MTUS2: variants seen among roughly 807,000 people sequenced by gnomAD.
The protein encoded by MTUS2 is microtubule-associated tumor suppressor candidate 2.
In MTUS2, 40 loss-of-function variants were observed where a neutral mutation model predicts 114.1. That is an observed-to-expected ratio of 0.35 (90% CI 0.27 to 0.46). The LOEUF (loss-of-function observed/expected upper bound fraction) is 0.46. Among genes scored for constraint, MTUS2 ranks in the 20% least tolerant of loss-of-function variants. MTUS2 has a pLI of 1.00. For synonymous variants in MTUS2, 688 were observed against 672.0 expected, an observed-to-expected ratio of 1.02 and a Z score of -0.37; for missense variants, 1,679 against 1,705.4, an observed-to-expected ratio of 0.98 and a Z score of 0.27.
intron 5 of MTUS2, among the ~76,000 whole-genome samples, chr13:29,245,022 G>A (rs1896869230): frequency 6.7e-6 from 1 of 150,204 alleles, no homozygotes; most frequent in South Asian, 2.1e-4. Flanking sequence ...GACATATTAG[G>A]CTAGGGTATT....
At chr13:28,837,271 TTGTGGTTATTATGCAGCCACC>T (rs1875155149) in intron 1 of MTUS2, among the ~76,000 whole-genome samples, 1 of 152,224 alleles carries the variant, frequency 6.6e-6, no homozygotes, top group Admixed American at 6.5e-5. Flanking sequence ...CAAATTCTCT[TTGTGGTTATTATGCAGCCACC>T]TGTTTCGGGT....
chr13:28,957,937 CAT>C (rs1416126482), intron 2 of MTUS2, among the ~76,000 whole-genome samples: 7 of 152,284 alleles, frequency 4.6e-5, no homozygotes, highest in South Asian at 2.1e-4. Context: ...GGATAGGAGA[CAT>C]GTGACAAAAC....
At chr13:29,165,564 C>T (rs1295069343) in intron 5 of MTUS2, among the ~76,000 whole-genome samples, 1 of 152,184 alleles carries the variant, frequency 6.6e-6, no homozygotes, top group Non-Finnish European at 1.5e-5. Context: ...TGTGTGGGGC[C>T]AGTCCTTCTT....
intron 5 of MTUS2, among the ~76,000 whole-genome samples, chr13:29,179,105 T>C (rs533075713): frequency 6.6e-6 from 1 of 152,336 alleles, no homozygotes; most frequent in East Asian, 1.9e-4. Flanking sequence ...GTGTCCATTG[T>C]TTTAATGTAA....
chr13:29,211,205 A>T (rs57545648), intron 5 of MTUS2, among the ~76,000 whole-genome samples: 1 of 148,460 alleles, frequency 6.7e-6, no homozygotes, highest in Non-Finnish European at 1.5e-5. Flanking sequence ...GATTCCAGGG[A>T]GATTATGCCT....
At chr13:28,987,701 C>T (rs574009878) in intron 2 of MTUS2, among the ~76,000 whole-genome samples, 2 of 152,254 alleles carry the variant, frequency 1.3e-5, no homozygotes, top group East Asian at 3.9e-4. Context: ...TGCCAGAGTC[C>T]ACACATCTGG....
chr13:29,492,817 T>A, intron 12 of MTUS2, 98 bp downstream of exon 12: 1 of 912,426 alleles, frequency 1.1e-6, no homozygotes, highest in East Asian at 2.5e-5. Flanking sequence ...GTGTACTAAA[T>A]CCTGTACTAA....
At chr13:29,298,997 G>T (rs1271027816) in intron 6 of MTUS2, among the ~76,000 whole-genome samples, 2 of 152,200 alleles carry the variant, frequency 1.3e-5, no homozygotes, top group African/African-American at 4.8e-5. Context: ...ATTTGTCATT[G>T]TGAAGCCAAC....
At chr13:29,386,598 G>A (rs1199674849) in intron 8 of MTUS2, among the ~76,000 whole-genome samples, 3 of 152,170 alleles carry the variant, frequency 2.0e-5, no homozygotes, top group African/African-American at 7.2e-5. Flanking sequence ...AGGCTCAGAG[G>A]AGTCTAACCA....
chr13:28,911,408 T>TA (rs1302608467), intron 2 of MTUS2, among the ~76,000 whole-genome samples: 1 of 149,668 alleles, frequency 6.7e-6, no homozygotes, highest in Non-Finnish European at 1.5e-5. Context: ...TCTCCTGACC[T>TA]CGTGATCCAC....
intron 5 of MTUS2, among the ~76,000 whole-genome samples, chr13:29,220,173 T>C (rs1029996973): frequency 1.3e-5 from 2 of 152,114 alleles, no homozygotes; most frequent in Non-Finnish European, 2.9e-5. Context: ...CTTTTTTGTT[T>C]TTTTTTAAGT....
intron 5 of MTUS2, among the ~76,000 whole-genome samples, chr13:29,157,851 G>A (rs1892928346): frequency 6.6e-6 from 1 of 151,740 alleles, no homozygotes; most frequent in Admixed American, 6.6e-5. Flanking sequence ...GATATAGATC[G>A]ATCATGATTC....
intron 5 of MTUS2, among the ~76,000 whole-genome samples, chr13:29,142,209 C>T (rs1057074682): frequency 1.5e-4 from 22 of 151,690 alleles, no homozygotes; most frequent in African/African-American, 3.6e-4. Context: ...TTACATACAC[C>T]GATAAATTGG....
At chr13:28,863,658 T>G (rs753055480) in intron 2 of MTUS2, among the ~76,000 whole-genome samples, 1 of 152,240 alleles carries the variant, frequency 6.6e-6, no homozygotes, top group Non-Finnish European at 1.5e-5. Flanking sequence ...TGAAAATAGA[T>G]GTTTTTAAAA....
chr13:28,941,085 A>G (rs763318014), intron 2 of MTUS2, among the ~76,000 whole-genome samples: 2 of 150,316 alleles, frequency 1.3e-5, no homozygotes, highest in East Asian at 2.0e-4. Flanking sequence ...AAAAAATTCA[A>G]AATCATAGTT....
intron 5 of MTUS2, among the ~76,000 whole-genome samples, chr13:29,160,974 C>T (rs997546474): frequency 5.9e-5 from 9 of 152,150 alleles, no homozygotes; most frequent in East Asian, 5.8e-4. Flanking sequence ...ATTATAGAAA[C>T]GGAGAATAGT....
chr13:28,847,169 C>T (rs2138013226), intron 2 of MTUS2, among the ~76,000 whole-genome samples: 1 of 152,224 alleles, frequency 6.6e-6, no homozygotes, highest in Middle Eastern at 3.4e-3. Context: ...AGAAAATCAC[C>T]TAAGGTAATT....
At chr13:29,404,043 A>G (rs1432275304) in intron 8 of MTUS2, among the ~76,000 whole-genome samples, 1 of 151,870 alleles carries the variant, frequency 6.6e-6, no homozygotes, top group African/African-American at 2.4e-5. Flanking sequence ...TACTACATCC[A>G]TCTACTACAG....
chr13:28,828,949 C>T (rs1192639695), intron 1 of MTUS2, among the ~76,000 whole-genome samples: 1 of 151,896 alleles, frequency 6.6e-6, no homozygotes, highest in African/African-American at 2.4e-5. Context: ...TTTTGATTTC[C>T]TAAAAATATT....
Sources: gnomAD v4.1 joint callset for allele counts (sites outside exome capture counted in the v4.1 genomes callset) on GRCh38, gnomAD v4.1.1 for gene constraint, MANE v1.5 for transcripts, NCBI Gene and HGNC (gene_info 2026-07-23, HGNC 2026-07-21) for gene names.